The following PPFIA3 variants were observed in gnomAD, a reference collection of about 807,000 sequenced individuals.
The protein encoded by PPFIA3 is PPFI scaffold protein A3, also known as liprin-alpha-3.
In PPFIA3, 26 loss-of-function variants were observed where a neutral mutation model predicts 145.8. The ratio of observed to expected loss-of-function variants is 0.18; its 90% CI spans 0.13 to 0.25. The LOEUF (loss-of-function observed/expected upper bound fraction) is 0.25, where lower values mean the gene tolerates loss of function less well. PPFIA3 is among the 10% of genes least tolerant of loss of function. The pLI is 1.00. For missense variants in PPFIA3, 1,008 were observed against 1,587.8 expected (o/e 0.63, Z 6.21); for synonymous variants, 645 against 661.4 (o/e 0.98, Z 0.38).
chr19:49,128,157 G>C lies in PPFIA3; in HGVS notation c.240+44G>C. The C allele has an allele frequency of 6.8e-7, 1 of 1,467,248 alleles. No individual in the cohort carries two copies. Among genetic ancestry groups the C allele is most frequent in the Non-Finnish European group, 9.0e-7 (1 of 1,112,014 alleles). The allele number at this position is 1,467,248 out of a possible 1,614,324, so 90.9% of individuals were successfully genotyped here. A position where few individuals can be genotyped will look rare whatever the true frequency, so the allele number is the denominator to read the frequency against. On this transcript the variant is annotated intron_variant, in intron 2 of 29. Transcript: ENST00000334186. The surrounding 1 kb of genome is among the most constrained non-coding windows in gnomAD (Gnocchi z 4.1). ...CGGGGCATGAGGGGGCGGGGCCTCG[G>C]GGGGAAGAAGGCGGTCCGGAAGGGG...
chr19:49,138,550 C>T, intron 16 of PPFIA3, 123 bp downstream of exon 16: 1 of 803,726 alleles, frequency 1.2e-6, no homozygotes, highest in Non-Finnish European at 1.7e-6. Flanking sequence ...CCTCAGCTTT[C>T]CCTAAAGGTT....
chr19:49,139,938 C>T (rs2041196840), intron 17 of PPFIA3, 23 bp from the exon 18 acceptor site: 3 of 1,614,088 alleles, frequency 1.9e-6, no homozygotes, highest in Non-Finnish European at 2.5e-6. Flanking sequence ...AGCATATGCT[C>T]TCATTCTCTC....
chr19:49,134,800 A>T, intron 12 of PPFIA3, 36 bp from the exon 13 acceptor site: 1 of 1,607,040 alleles, frequency 6.2e-7, no homozygotes, highest in Non-Finnish European at 8.5e-7. Context: ...TGGGCGGAGC[A>T]GATTCTAACC....
At chr19:49,127,541 G>A (rs2041016816) in intron 1 of PPFIA3, among the ~76,000 whole-genome samples, 2 of 151,988 alleles carry the variant, frequency 1.3e-5, no homozygotes, top group African/African-American at 4.8e-5. Flanking sequence ...TCAGGCTGCA[G>A]TGGGCCGTGA....
intron 19 of PPFIA3, among the ~76,000 whole-genome samples, chr19:49,141,795 T>C (rs558650054): frequency 2.0e-4 from 31 of 152,042 alleles, no homozygotes; most frequent in Non-Finnish European, 1.8e-4. Context: ...ACATTTATAT[T>C]ATATTTTTTG....
chr19:49,132,861 A>T, intron 7 of PPFIA3, 140 bp from the exon 8 acceptor site: 2 of 1,060,232 alleles, frequency 1.9e-6, no homozygotes, highest in Non-Finnish European at 2.7e-6. Context: ...AAGATGGGCT[A>T]GTCCTGGGAG....
intron 18 of PPFIA3, among the ~76,000 whole-genome samples, chr19:49,140,723 C>T (rs1381814793): frequency 1.5e-5 from 2 of 133,018 alleles, no homozygotes; most frequent in South Asian, 2.5e-4. Context: ...GGTGCTATCT[C>T]GGCTCACTGC....
At chr19:49,136,046 T>C in intron 14 of PPFIA3, 123 bp downstream of exon 14, 1 of 1,150,582 alleles carries the variant, frequency 8.7e-7, no homozygotes, top group Non-Finnish European at 1.1e-6. Flanking sequence ...CTTGGACTCA[T>C]CCACTCACCC....
At chr19:49,127,838 C>T in intron 1 of PPFIA3, 21 bp from the exon 2 acceptor site, 1 of 1,588,062 alleles carries the variant, frequency 6.3e-7, no homozygotes. Context: ...CGGTCTGTTC[C>T]TTGCCCTCCC....
chr19:49,132,926 C>A, intron 7 of PPFIA3, 75 bp from the exon 8 acceptor site: 2 of 1,544,754 alleles, frequency 1.3e-6, no homozygotes, highest in East Asian at 2.4e-5. Flanking sequence ...CACTTTGTTT[C>A]CCAGGGAACA....
In PPFIA3 at chr19:49,150,088, T is replaced by C; in HGVS notation, c.3535T>C (p.Ser1179Pro). Reference protein sequence around the residue: ...LRKLQPEGQTSGSSRADGVSV... With the variant: ...LRKLQPEGQTPGSSRADGVSV... ...GCTCGCTCTCCCTCCAGGCCAGACT[T>C]CTGGGAGTTCCCGGGCAGACGGCGT... The change falls in exon 29 of 30, where the codon TCT becomes CCT. Residue 1179 changes from serine to proline, a missense_variant. Ser to Pro is a moderately conservative substitution (Grantham distance 74, BLOSUM62 -1). Around this residue, in one of 11 missense-constraint regions of PPFIA3, gnomAD observed 125 missense variants for 159.3 expected, o/e 0.78. Coordinates refer to ENST00000334186, the MANE Select transcript of PPFIA3 (RefSeq NM_003660.4). 1 of 1,610,024 alleles carries C rather than the reference T, an allele frequency of 6.2e-7. No homozygotes were observed. The highest frequency in any genetic ancestry group is 1.7e-5 in the Admixed American group (1 of 59,468).
Position 49,149,969 on chromosome 19 carries a change from G to A in PPFIA3, c.3527-111G>A. 1.5e-6 allele frequency: 2 copies of A among 1,334,690 alleles called. No homozygotes were observed. The highest frequency in any genetic ancestry group is 2.1e-6 in the Non-Finnish European group (2 of 967,676). The allele number at this position is 1,334,690 out of a possible 1,614,324, so 82.7% of individuals were successfully genotyped here. ...GCGGGGAAGGGAGGGAAACCCATGT[G>A]GAGCCCGGCGATCGTTGTGACATCG... On this transcript the variant is annotated intron_variant, in intron 28 of 29. Coordinates refer to ENST00000334186, the MANE Select transcript of PPFIA3 (RefSeq NM_003660.4). This position sits in a 1 kb window ranked among gnomAD's most constrained non-coding sequence, Gnocchi z 5.7.
intron 13 of PPFIA3, 50 bp from the exon 14 acceptor site, chr19:49,135,729 T>G: frequency 1.3e-6 from 2 of 1,550,430 alleles, no homozygotes; most frequent in Non-Finnish European, 1.8e-6. Context: ...CTTACCTCTG[T>G]GCTCTTTTCC....
rs1438624901 is a variant in PPFIA3, at chr19:49,134,544, C to G, written c.1378-95C>G. 2.7e-6 allele frequency: 3 copies of G among 1,127,118 alleles called. No individual in the cohort carries two copies. The African/African-American group carries it at 4.6e-5, about 17-fold the overall frequency. The allele number at this position is 1,127,118 out of a possible 1,614,324, so 69.8% of individuals were successfully genotyped here. A position where few individuals can be genotyped will look rare whatever the true frequency, so the allele number is the denominator to read the frequency against. On this transcript the variant is annotated intron_variant, in intron 11 of 29. Transcript: ENST00000334186. ...GTGTCCATCTCATTCCTCCTGGGTC[C>G]CCTCAGGCCTGTCTGTGTGCACTGG...
rs1268702546 is a variant in PPFIA3 at position 49,149,967 on chromosome 19, G to T, written c.3527-113G>T. 1 of 1,328,588 alleles carries T rather than the reference G, an allele frequency of 7.5e-7. No individual in the cohort carries two copies. Among genetic ancestry groups the T allele is most frequent in the Non-Finnish European group, 1.0e-6 (1 of 962,832 alleles). 82.3% of individuals were successfully genotyped at this position (1,328,588 alleles called of 1,614,324 possible). A position where few individuals can be genotyped will look rare whatever the true frequency, so the allele number is the denominator to read the frequency against. Reference sequence around the variant, plus strand: ...CTGCGGGGAAGGGAGGGAAACCCATGTGGAGCCCGGCGATCGTTGTGACAT... The same window carrying T: ...CTGCGGGGAAGGGAGGGAAACCCATTTGGAGCCCGGCGATCGTTGTGACAT... On this transcript the variant is annotated intron_variant, in intron 28 of 29. Coordinates refer to ENST00000334186, the MANE Select transcript of PPFIA3 (RefSeq NM_003660.4). This position sits in a 1 kb window ranked among gnomAD's most constrained non-coding sequence, Gnocchi z 5.7.
rs1361736372 is a variant in PPFIA3, at chr19:49,142,029, T to TA, written c.2463-4dup. The TA allele has an allele frequency of 6.4e-7, 1 of 1,562,096 alleles. No homozygotes were observed. Among genetic ancestry groups the TA allele is most frequent in the Non-Finnish European group, 8.7e-7 (1 of 1,152,492 alleles). On this transcript the variant is annotated splice_region_variant and splice_polypyrimidine_tract_variant and intron_variant, in intron 19 of 29. Transcript: ENST00000334186. ...GCTTCTATCCTGGCCCCTTCACCCTTACAGGCATGAACTCCTGGAGGAGGC... is the reference window on the plus strand; with the variant it reads ...GCTTCTATCCTGGCCCCTTCACCCTTAACAGGCATGAACTCCTGGAGGAGGC...
rs2040923902 is a variant in PPFIA3, at chr19:49,120,493, C to T, written c.-16+771C>T. On this transcript the variant is annotated intron_variant, in intron 1 of 29. Coordinates refer to ENST00000334186, the MANE Select transcript of PPFIA3 (RefSeq NM_003660.4). This position sits in a 1 kb window ranked among gnomAD's most constrained non-coding sequence, Gnocchi z 4.6. Reference sequence around the variant, plus strand: ...CCGGGGATGCAGCTCCCACCCCGTTCGGGAAGCCTGTCCGTGTCTACACCT... The same window carrying T: ...CCGGGGATGCAGCTCCCACCCCGTTTGGGAAGCCTGTCCGTGTCTACACCT... Among the ~76,000 whole-genome samples the T allele has an allele frequency of 6.6e-6, 1 of 152,102 alleles. No homozygotes were observed. Among genetic ancestry groups the T allele is most frequent in the African/African-American group, 2.4e-5 (1 of 41,406 alleles).
At chr19:49,119,948 G>A (rs2040914050) in intron 1 of PPFIA3, among the ~76,000 whole-genome samples, 1 of 151,796 alleles carries the variant, frequency 6.6e-6, no homozygotes, top group South Asian at 2.1e-4. Flanking sequence ...CTCCTCCAGG[G>A]CCCAGGAGCT....
intron 1 of PPFIA3, among the ~76,000 whole-genome samples, chr19:49,122,581 T>C (rs1206420964): frequency 6.6e-6 from 1 of 152,230 alleles, no homozygotes; most frequent in Non-Finnish European, 1.5e-5. Context: ...GATGTGTGTG[T>C]TCCAAGTATG....
Sources: allele counts gnomAD v4.1 joint callset (sites outside exome capture counted in the v4.1 genomes callset), GRCh38; gene constraint gnomAD v4.1.1; regional missense constraint gnomAD v4.1.1; non-coding constraint Gnocchi (gnomAD v3.1); transcripts MANE v1.5; gene names NCBI Gene and HGNC (gene_info 2026-07-23, HGNC 2026-07-21).